The following PTGES3 variants were observed in gnomAD, a reference collection of about 807,000 sequenced individuals.
The protein encoded by PTGES3 is prostaglandin E synthase 3.
Under a neutral mutation model 29.9 loss-of-function variants are expected in PTGES3, and 5 were observed. That is an observed-to-expected ratio of 0.17 (90% CI 0.09 to 0.35). The LOEUF is 0.35. Ranked by LOEUF, PTGES3 falls within the 10% of genes least tolerant of loss-of-function variation. PTGES3 has a pLI of 1.00. For missense variants in PTGES3, 128 were observed against 190.0 expected, an observed-to-expected ratio of 0.67 and a Z score of 1.92; for synonymous variants, 49 against 57.8, an observed-to-expected ratio of 0.85 and a Z score of 0.69.
rs914053506 is a variant in PTGES3, at chr12:56,683,992, A to T, written c.2+4006T>A. Among the ~76,000 whole-genome samples the T allele has an allele frequency of 3.3e-5, 5 of 151,206 alleles. No homozygotes were observed. The East Asian group carries it at 7.8e-4, about 23-fold the overall frequency. The stretch of plus-strand genomic sequence containing the variant: ...AAAAACAAAAAAAACAAACAAAAAA[A>T]ACCCCAAAACTGTAATTGCCGATCC... On this transcript the variant is annotated intron_variant, in intron 1 of 7. Transcript: ENST00000262033.
At chr12:56,675,774 T>C (rs759635042) in intron 1 of PTGES3, among the ~76,000 whole-genome samples, 4 of 151,800 alleles carry the variant, frequency 2.6e-5, no homozygotes, top group Non-Finnish European at 5.9e-5. Context: ...ATACAAAAAA[T>C]TAGCTGGGTG....
chr12:56,670,187 C>A, intron 5 of PTGES3, 88 bp downstream of exon 5: 2 of 844,964 alleles, frequency 2.4e-6, no homozygotes, highest in South Asian at 1.4e-5. Context: ...TCATGAATAC[C>A]ATTAGGTGCC....
At chr12:56,687,750 G>C in intron 1 of PTGES3, 9 of 1,380,512 alleles carry the variant, frequency 6.5e-6, no homozygotes, top group Non-Finnish European at 8.4e-6. Flanking sequence ...CAGCCAAAGG[G>C]GTAAAAGTAG....
At chr12:56,687,400 G>T in intron 1 of PTGES3, 2 of 987,558 alleles carry the variant, frequency 2.0e-6, no homozygotes, top group Non-Finnish European at 2.4e-6. Flanking sequence ...GGAGTTAGGA[G>T]GCGGACTGGA....
rs774512457 is a variant in PTGES3, at chr12:56,664,807, G to C, written c.439-7C>G. The C allele has an allele frequency of 8.8e-6, 14 of 1,598,518 alleles. No homozygotes were observed. The South Asian group carries it at 1.1e-4, about 13-fold the overall frequency. On this transcript the variant is annotated splice_region_variant and splice_polypyrimidine_tract_variant and intron_variant, in intron 6 of 7. Coordinates refer to ENST00000262033, the MANE Select transcript of PTGES3 (RefSeq NM_006601.7). ...CATCACTGTCTTGTGAATCCTGAAA[G>C]AGGGAAAATAAAGTTACCGAGCTGA...
intron 6 of PTGES3, chr12:56,665,308 T>A: frequency 1.1e-6 from 1 of 917,144 alleles, no homozygotes; most frequent in Non-Finnish European, 1.3e-6. Context: ...TTTTTTTGGG[T>A]GGGGGGAGAT....
intron 6 of PTGES3, chr12:56,665,658 T>A: frequency 1.0e-6 from 1 of 982,800 alleles, no homozygotes; most frequent in Non-Finnish European, 1.2e-6. Flanking sequence ...TTCTTTCTTT[T>A]TGAGATGGAG....
Position 56,663,808 on chromosome 12 carries a change from T to G in PTGES3, c.*671A>C, listed in dbSNP as rs1168134220. The stretch of plus-strand genomic sequence containing the variant: ...AAATGTACAGACTCTCAAGCAACAA[T>G]GTACAGCTTTCTTCGTCCTCCATGC... On this transcript the variant is annotated 3_prime_UTR_variant, in exon 8 of 8. Transcript: ENST00000262033. 6.6e-6 allele frequency: 1 copy of G among 152,642 alleles called. No individual in the cohort carries two copies. Among genetic ancestry groups the G allele is most frequent in the African/African-American group, 2.4e-5 (1 of 41,440 alleles). 9.5% of individuals were successfully genotyped at this position (152,642 alleles called of 1,614,324 possible).
At position 56,665,016 on chromosome 12, in the gene PTGES3, T is replaced by C. The variant is rs182678025; in HGVS notation, c.439-216A>G. ...TTATCTACCTATAAAAAATGATGTG[T>C]GCCTTTTGGTGACAATTTAGCCCAC... On this transcript the variant is annotated intron_variant, in intron 6 of 7. Transcript: ENST00000262033. 5.6e-3 allele frequency: 5,489 copies of C among 985,444 alleles called. 17 individuals are homozygous for C. Among genetic ancestry groups the C allele is most frequent in the Non-Finnish European group, 6.2e-3 (5,132 of 829,934 alleles). 61.0% of individuals were successfully genotyped at this position (985,444 alleles called of 1,614,324 possible).
At chr12:56,665,264 TAC>T in intron 6 of PTGES3, 10 of 982,234 alleles carry the variant, frequency 1.0e-5, no homozygotes, top group Non-Finnish European at 1.2e-5. Flanking sequence ...ATCTTCCTCT[TAC>T]AGATTTCCAA....
At chr12:56,671,963 A>C (rs1952022033) in intron 3 of PTGES3, 116 bp from the exon 4 acceptor site, 1 of 553,256 alleles carries the variant, frequency 1.8e-6, no homozygotes, top group Admixed American at 4.2e-5. Flanking sequence ...CTGGACTCTG[A>C]AACATGCCCT....
At chr12:56,666,530 CTACTTGAGTAGTGGT>C (rs1951792983) in intron 5 of PTGES3, among the ~76,000 whole-genome samples, 4 of 152,296 alleles carry the variant, frequency 2.6e-5, no homozygotes, top group Admixed American at 2.6e-4. Context: ...ATTAAAAATT[CTACTTGAGTAGTGGT>C]TACCTCTGGT....
At chr12:56,668,959 T>C (rs1037757905) in intron 5 of PTGES3, among the ~76,000 whole-genome samples, 59 of 151,338 alleles carry the variant, frequency 3.9e-4, no homozygotes, top group African/African-American at 1.4e-3. Flanking sequence ...AAACAGACTT[T>C]CTTAAACTTT....
chr12:56,674,825 CAAAAAAAAAAAAAAAAAAA>C lies in PTGES3; in HGVS notation c.3-1779_3-1761del, dbSNP rs869222252. 1.1e-3 allele frequency among the ~76,000 whole-genome samples: 18 copies of C among 16,110 alleles called. No homozygotes were observed. In the East Asian group the frequency reaches 0.039, roughly 35 times the overall value. 10.6% of individuals were successfully genotyped at this position (16,110 alleles called of 152,430 possible). On this transcript the variant is annotated intron_variant, in intron 1 of 7. Coordinates refer to ENST00000262033, the MANE Select transcript of PTGES3 (RefSeq NM_006601.7). Reference sequence around the variant, plus strand: ...TGGGCAACAGAGCAAGACTCCATCTCAAAAAAAAAAAAAAAAAAAAAAAAAAAAATTCGCCAGGCGTGGT... The same window carrying C: ...TGGGCAACAGAGCAAGACTCCATCTCAAAAAAAAAATTCGCCAGGCGTGGT...
intron 6 of PTGES3, chr12:56,665,881 G>A: frequency 2.1e-6 from 2 of 936,768 alleles, no homozygotes; most frequent in Non-Finnish European, 2.6e-6. Flanking sequence ...CTGCCCACCT[G>A]GCCTGCTGGG....
chr12:56,672,901 TC>T (rs1443540415), intron 2 of PTGES3, 50 bp downstream of exon 2: 1 of 1,562,102 alleles, frequency 6.4e-7, no homozygotes. Flanking sequence ...TCAAAGTTAT[TC>T]AGTTGTGTGA....
chr12:56,682,001 G>A (rs1022948078), intron 1 of PTGES3, among the ~76,000 whole-genome samples: 2 of 151,864 alleles, frequency 1.3e-5, no homozygotes, highest in African/African-American at 2.4e-5. Context: ...CACCCGCCAC[G>A]GTGCCCAGCT....
chr12:56,676,089 G>A (rs1592261851), intron 1 of PTGES3, among the ~76,000 whole-genome samples: 1 of 151,032 alleles, frequency 6.6e-6, no homozygotes, highest in African/African-American at 2.5e-5. Context: ...AGCCAGGCGA[G>A]GTGGCGTATG....
chr12:56,664,502 A>G lies in PTGES3; in HGVS notation c.464-4T>C. 3 of 1,590,550 alleles carry G rather than the reference A, an allele frequency of 1.9e-6. No individual in the cohort carries two copies. Among genetic ancestry groups the G allele is most frequent in the South Asian group, 2.3e-5 (2 of 87,890 alleles). ...CCTTACTCCAGATCTGGCATTTCTG[A>G]AAGAATTTTTAAAAATATTAGTATA... is the stretch of plus-strand genomic sequence containing the variant. On this transcript the variant is annotated splice_polypyrimidine_tract_variant and splice_region_variant and intron_variant, in intron 7 of 7. Transcript: ENST00000262033.
Sources: allele counts gnomAD v4.1 joint callset (sites outside exome capture counted in the v4.1 genomes callset), GRCh38; gene constraint gnomAD v4.1.1; transcripts MANE v1.5; gene names NCBI Gene and HGNC (gene_info 2026-07-23, HGNC 2026-07-21).